Variants in CKS2 observed in about 807,000 individuals in gnomAD.
The protein encoded by CKS2 is cyclin-dependent kinases regulatory subunit 2.
A neutral mutation model predicts 14.3 loss-of-function variants in CKS2; 4 were observed. The ratio of observed to expected loss-of-function variants is 0.28; its 90% CI spans 0.14 to 0.64. The LOEUF is 0.64. Among genes scored for constraint, CKS2 ranks in the 30% least tolerant of loss-of-function variants. The pLI, the probability that CKS2 is intolerant of heterozygous loss-of-function variation, is 0.83. For synonymous variants in CKS2, 33 were observed against 28.7 expected (o/e 1.15, Z -0.48); for missense variants, 71 against 94.3 (o/e 0.75, Z 1.02).
At chr9:89,313,408 A>C (rs1824654724) in intron 1 of CKS2, among the ~76,000 whole-genome samples, 1 of 152,142 alleles carries the variant, frequency 6.6e-6, no homozygotes, top group Non-Finnish European at 1.5e-5. Context: ...AAAACTGTTA[A>C]TTTTTCTGGG....
intron 1 of CKS2, 40 bp from the exon 2 acceptor site, chr9:89,315,127 TAGA>T (rs772639316): frequency 7.7e-6 from 12 of 1,557,586 alleles, no homozygotes; most frequent in Non-Finnish European, 1.0e-5. Context: ...GCGACAGTTG[TAGA>T]AAAGGCACTG....
At chr9:89,316,259 C>A in intron 2 of CKS2, 114 bp from the exon 3 acceptor site, 1 of 693,724 alleles carries the variant, frequency 1.4e-6, no homozygotes, top group Non-Finnish European at 2.5e-6. Context: ...TACCTCAAAC[C>A]AATTAATAGT....
intron 1 of CKS2, among the ~76,000 whole-genome samples, chr9:89,312,768 CAA>C (rs1440384682): frequency 6.6e-6 from 1 of 152,120 alleles, no homozygotes; most frequent in East Asian, 1.9e-4. Context: ...CGATGTTAAT[CAA>C]GAGCCCTATT....
Position 89,311,369 on chromosome 9 carries a change from A to T in CKS2, c.59+18A>T. ...GAGTACCGGTGGGCGCCTTTCTTAG[A>T]CCCCGAGCCGGCTCCCTCAGCCGGG... is the stretch of plus-strand genomic sequence containing the variant. On this transcript the variant is annotated intron_variant, in intron 1 of 2. Coordinates refer to ENST00000314355, the MANE Select transcript of CKS2 (RefSeq NM_001827.3). The T allele has an allele frequency of 1.4e-6, 2 of 1,457,964 alleles. No homozygotes were observed. Among genetic ancestry groups the T allele is most frequent in the Admixed American group, 2.0e-5 (1 of 50,614 alleles). The allele number at this position is 1,457,964 out of a possible 1,614,324, so 90.3% of individuals were successfully genotyped here.
intron 2 of CKS2, 96 bp downstream of exon 2, chr9:89,315,393 T>C (rs1013120611): frequency 4.8e-5 from 55 of 1,138,658 alleles, no homozygotes; most frequent in Non-Finnish European, 6.1e-5. Flanking sequence ...TCAAATGATA[T>C]CTGAAAGTAA....
At chr9:89,313,510 G>A (rs1022139409) in intron 1 of CKS2, among the ~76,000 whole-genome samples, 1 of 152,218 alleles carries the variant, frequency 6.6e-6, no homozygotes, top group Non-Finnish European at 1.5e-5. Context: ...CATGTAGTTA[G>A]TTTGAAATCT....
chr9:89,312,998 A>G (rs773611234), intron 1 of CKS2, among the ~76,000 whole-genome samples: 1 of 152,208 alleles, frequency 6.6e-6, no homozygotes, highest in Non-Finnish European at 1.5e-5. Flanking sequence ...TACTCAAATG[A>G]TTTGTGTGTG....
intron 1 of CKS2, chr9:89,312,175 C>T (rs773668895): frequency 2.6e-5 from 4 of 154,588 alleles, no homozygotes; most frequent in Non-Finnish European, 5.9e-5. Flanking sequence ...GCGTTTGAGT[C>T]CTGAAGCACC....
At chr9:89,314,838 G>A in intron 1 of CKS2, among the ~76,000 whole-genome samples, 1 of 152,162 alleles carries the variant, frequency 6.6e-6, no homozygotes, top group East Asian at 1.9e-4. Flanking sequence ...TTCATAATAA[G>A]TTACACATTT....
At position 89,316,658 on chromosome 9, in the gene CKS2, C is replaced by T. The variant is rs1824723889; in HGVS notation, c.*233C>T. 1 of 390,538 alleles carries T rather than the reference C, an allele frequency of 2.6e-6. No homozygotes were observed. Among genetic ancestry groups the T allele is most frequent in the African/African-American group, 2.1e-5 (1 of 48,420 alleles). The allele number at this position is 390,538 out of a possible 1,614,324, so 24.2% of individuals were successfully genotyped here. ...TCTCTTAAGTGCCTGTTTGAGTTTA[C>T]TGAAACAGTTTACTTTTGTTCAATA... On this transcript the variant is annotated 3_prime_UTR_variant, in exon 3 of 3. Coordinates refer to ENST00000314355, the MANE Select transcript of CKS2 (RefSeq NM_001827.3).
chr9:89,315,812 C>T (rs746175303), intron 2 of CKS2, among the ~76,000 whole-genome samples: 19 of 151,944 alleles, frequency 1.3e-4, no homozygotes, highest in Non-Finnish European at 2.5e-4. Context: ...TCTACTAAAA[C>T]TTTGTGGGTT....
Position 89,315,217 on chromosome 9 carries a change from A to G in CKS2, c.107A>G (p.His36Arg). The G allele has an allele frequency of 6.2e-7, 1 of 1,609,864 alleles. No individual in the cohort carries two copies. Among genetic ancestry groups the G allele is most frequent in the Non-Finnish European group, 8.5e-7 (1 of 1,176,988 alleles). The change falls in exon 2 of 3, where the codon CAT (histidine) becomes CGT (arginine). Residue 36 changes from histidine (H) to arginine (R), a missense_variant. His to Arg is a conservative substitution (Grantham distance 29). Coordinates refer to ENST00000314355, the MANE Select transcript of CKS2 (RefSeq NM_001827.3). ...RELSKQVPKT[H>R]LMSEEEWRRL... is the part of the protein sequence containing the mutation. Reference sequence around the variant, plus strand: ...CTTTCCAAACAAGTACCTAAAACTCATCTGATGTCTGAAGAGGAGTGGAGG... The same window carrying G: ...CTTTCCAAACAAGTACCTAAAACTCGTCTGATGTCTGAAGAGGAGTGGAGG...
At chr9:89,312,107 T>C (rs3211669) in intron 1 of CKS2, 18,974 of 153,182 alleles carry the variant, frequency 0.12, 1,773 homozygotes, top group Admixed American at 0.29. Context: ...TGAGTGGACT[T>C]TGGGCATCAT....
At chr9:89,311,746 C>T (rs911427995) in intron 1 of CKS2, among the ~76,000 whole-genome samples, 9 of 152,196 alleles carry the variant, frequency 5.9e-5, no homozygotes, top group African/African-American at 2.2e-4. Context: ...GTCTCAGTTC[C>T]AGTTCTTTGA....
At position 89,313,077 on chromosome 9, in the gene CKS2, A is replaced by T. The variant is rs375550040; in HGVS notation, c.59+1726A>T. On this transcript the variant is annotated intron_variant, in intron 1 of 2. Coordinates refer to ENST00000314355, the MANE Select transcript of CKS2 (RefSeq NM_001827.3). Reference sequence around the variant, plus strand: ...TAATCCAATAAAAATTAGAGCTGGTATTAATTGGCCAAGCCAGTAACCTTT... The same window carrying T: ...TAATCCAATAAAAATTAGAGCTGGTTTTAATTGGCCAAGCCAGTAACCTTT... 8.5e-5 allele frequency among the ~76,000 whole-genome samples: 13 copies of T among 152,352 alleles called. No homozygotes were observed. In the South Asian group the frequency reaches 2.7e-3, roughly 32 times the overall value.
chr9:89,312,596 C>A (rs1208356003), intron 1 of CKS2, among the ~76,000 whole-genome samples: 1 of 152,148 alleles, frequency 6.6e-6, no homozygotes, highest in Non-Finnish European at 1.5e-5. Flanking sequence ...CACATGAGGA[C>A]TACTGAATAT....
Position 89,311,248 on chromosome 9 carries a change from C to CCTT in CKS2, c.-44_-43insTTC. 6.4e-7 allele frequency: 1 copy of CCTT among 1,569,846 alleles called. No homozygotes were observed. The highest frequency in any genetic ancestry group is 1.4e-5 in the African/African-American group (1 of 73,812). ...CTGGACGTGGTTTTGTCTGCTGCGC[C>CCTT]CGCTCTTCGCGCTCTCGTTTCATTT... On this transcript the variant is annotated 5_prime_UTR_variant, in exon 1 of 3. Coordinates refer to ENST00000314355, the MANE Select transcript of CKS2 (RefSeq NM_001827.3).
At position 89,316,603 on chromosome 9, in the gene CKS2, TTTAAGA is replaced by T; in HGVS notation, c.*180_*185del. ...ACTGCAAGTAGGTTACTGTAAGATGTTTAAGATAAAAGTTCTTCCAGTCAGTTTTTC... is the reference window on the plus strand; with the variant it reads ...ACTGCAAGTAGGTTACTGTAAGATGTTAAAAGTTCTTCCAGTCAGTTTTTC... On this transcript the variant is annotated 3_prime_UTR_variant, in exon 3 of 3. Transcript: ENST00000314355. 1 of 436,468 alleles carries T rather than the reference TTTAAGA, an allele frequency of 2.3e-6. No individual in the cohort carries two copies. The highest frequency in any genetic ancestry group is 4.1e-6 in the Non-Finnish European group (1 of 241,170). The allele number at this position is 436,468 out of a possible 1,614,324, so 27.0% of individuals were successfully genotyped here. A position where few individuals can be genotyped will look rare whatever the true frequency, so the allele number is the denominator to read the frequency against.
intron 1 of CKS2, among the ~76,000 whole-genome samples, chr9:89,314,225 G>A (rs986237602): frequency 1.3e-5 from 2 of 152,134 alleles, no homozygotes; most frequent in Admixed American, 1.3e-4. Context: ...CCTTTTTATG[G>A]TAATTGAGTA....
Sources: gnomAD v4.1 joint callset for allele counts (sites outside exome capture counted in the v4.1 genomes callset) on GRCh38, gnomAD v4.1.1 for gene constraint, MANE v1.5 for transcripts, NCBI Gene and HGNC (gene_info 2026-07-23, HGNC 2026-07-21) for gene names.